Variants in JAM2 observed in about 807,000 individuals in gnomAD.
The protein encoded by JAM2 is junctional adhesion molecule B.
A neutral mutation model predicts 42.0 loss-of-function variants in JAM2; 17 were observed. The observed-to-expected ratio is 0.40, with a 90% CI of 0.28 to 0.61. The LOEUF is 0.61. JAM2 is among the 20% of genes least tolerant of loss of function. JAM2 has a pLI of 0.37. For missense variants in JAM2, 319 were observed against 358.3 expected, an observed-to-expected ratio of 0.89 and a Z score of 0.89; for synonymous variants, 118 against 128.6, an observed-to-expected ratio of 0.92 and a Z score of 0.56.
At chr21:25,698,916 T>A in intron 5 of JAM2, 37 bp downstream of exon 5, 2 of 1,540,332 alleles carry the variant, frequency 1.3e-6, no homozygotes, top group Non-Finnish European at 1.8e-6. Flanking sequence ...ATAACTGTCT[T>A]GCATTTGGAT....
chr21:25,651,974 T>C (rs944916326), intron 1 of JAM2, among the ~76,000 whole-genome samples: 4 of 152,248 alleles, frequency 2.6e-5, no homozygotes, highest in African/African-American at 9.6e-5. Context: ...GGAACAGACT[T>C]CTCTTACTAT....
At chr21:25,679,450 C>T (rs1386919986) in intron 1 of JAM2, among the ~76,000 whole-genome samples, 2 of 152,136 alleles carry the variant, frequency 1.3e-5, no homozygotes, top group Non-Finnish European at 2.9e-5. Flanking sequence ...TTCTTTACAC[C>T]CATCTCTCAG....
At chr21:25,689,462 C>T (rs2033828568) in intron 2 of JAM2, among the ~76,000 whole-genome samples, 1 of 152,216 alleles carries the variant, frequency 6.6e-6, no homozygotes, top group African/African-American at 2.4e-5. Context: ...TTAGTTGCCT[C>T]TTCTACCAGA....
In JAM2 at chr21:25,693,919, T is replaced by C. The variant is rs779677016; in HGVS notation, c.394+11T>C. On this transcript the variant is annotated intron_variant, in intron 4 of 9. Transcript: ENST00000480456. ...CTCTGGAAGTATTAGGTGATGTGCATGTATGTGTGTGACTACGTCTCCCAC... is the reference window on the plus strand; with the variant it reads ...CTCTGGAAGTATTAGGTGATGTGCACGTATGTGTGTGACTACGTCTCCCAC... The C allele has an allele frequency of 1.2e-6, 2 of 1,612,778 alleles. No homozygotes were observed. The highest frequency in any genetic ancestry group is 1.7e-5 in the Admixed American group (1 of 59,940).
At chr21:25,712,199 A>C (rs754878185) in intron 8 of JAM2, 141 bp from the exon 9 acceptor site, 10 of 683,416 alleles carry the variant, frequency 1.5e-5, no homozygotes, top group Middle Eastern at 2.8e-4. Flanking sequence ...TTCAGTAAGA[A>C]TTGTCTTTTT....
Position 25,689,879 on chromosome 21 carries a change from C to T in JAM2, c.147C>T (p.Ala49=), listed in dbSNP as rs1224424310. The stretch of plus-strand genomic sequence containing the variant: ...TGTTGTTCCTAGAGGCTATTTTAGC[C>T]TGCAAAACCCCAAAGAAGACTGTTT... The part of the protein sequence containing the change: ...TAVEYQEAIL[A]CKTPKKTVSS... The change falls in exon 3 of 10, where the codon GCC becomes GCT. Residue 49 remains alanine (A), a synonymous_variant. Coordinates refer to ENST00000480456, the MANE Select transcript of JAM2 (RefSeq NM_021219.4). 3.1e-6 allele frequency: 5 copies of T among 1,611,962 alleles called. No individual in the cohort carries two copies. Among genetic ancestry groups the T allele is most frequent in the Non-Finnish European group, 4.2e-6 (5 of 1,178,298 alleles).
At chr21:25,702,329 T>C (rs909058220) in intron 6 of JAM2, 60 bp downstream of exon 6, 9 of 1,045,784 alleles carry the variant, frequency 8.6e-6, no homozygotes, top group Non-Finnish European at 1.2e-5. Context: ...AGTACAGCAG[T>C]TGGGGGTACA....
intron 1 of JAM2, among the ~76,000 whole-genome samples, chr21:25,649,113 C>T (rs1050715128): frequency 6.6e-5 from 10 of 152,164 alleles, no homozygotes; most frequent in African/African-American, 2.4e-4. Context: ...CCTAAAAGCA[C>T]ATAAGTTCCT....
chr21:25,655,350 A>ATTTTTTTTTTTTTTTTTTTTT (rs751257378), intron 1 of JAM2, among the ~76,000 whole-genome samples: 2 of 100,238 alleles, frequency 2.0e-5, no homozygotes, highest in African/African-American at 7.7e-5. Context: ...CTGAAATTCT[A>ATTTTTTTTTTTTTTTTTTTTT]TTTTTTTTTT....
intron 1 of JAM2, among the ~76,000 whole-genome samples, chr21:25,668,101 G>A (rs2033267742): frequency 6.6e-6 from 1 of 152,154 alleles, no homozygotes; most frequent in African/African-American, 2.4e-5. Context: ...CCAGAGTCTG[G>A]CCTGATTGAG....
At chr21:25,708,202 T>C (rs2034310371) in intron 7 of JAM2, among the ~76,000 whole-genome samples, 1 of 152,150 alleles carries the variant, frequency 6.6e-6, no homozygotes, top group Non-Finnish European at 1.5e-5. Context: ...GTGTTCCTAA[T>C]AATACCTACA....
Position 25,717,452 on chromosome 21 carries a change from G to A in JAM2, c.*2780G>A, listed in dbSNP as rs1291560565. On this transcript the variant is annotated 3_prime_UTR_variant, in exon 10 of 10. Transcript: ENST00000480456. ...ACTAGATTTAATTTATTTTTAGTTGGAGGTTTGACCTAAGTCTGGACCAAT... is the reference window on the plus strand; with the variant it reads ...ACTAGATTTAATTTATTTTTAGTTGAAGGTTTGACCTAAGTCTGGACCAAT... 1 of 444,714 alleles carries A rather than the reference G, an allele frequency of 2.2e-6. No homozygotes were observed. Among genetic ancestry groups the A allele is most frequent in the East Asian group, 3.7e-5 (1 of 27,098 alleles). The allele number at this position is 444,714 out of a possible 1,614,324, so 27.5% of individuals were successfully genotyped here. A position where few individuals can be genotyped will look rare whatever the true frequency, so the allele number is the denominator to read the frequency against.
intron 8 of JAM2, among the ~76,000 whole-genome samples, chr21:25,710,699 C>T (rs570396115): frequency 1.7e-4 from 26 of 152,106 alleles, no homozygotes; most frequent in Non-Finnish European, 3.8e-4. Flanking sequence ...AGGAGATGAG[C>T]GTACAAAAGT....
intron 1 of JAM2, among the ~76,000 whole-genome samples, chr21:25,665,072 G>A (rs1479331320): frequency 6.6e-6 from 1 of 152,172 alleles, no homozygotes; most frequent in Non-Finnish European, 1.5e-5. Context: ...TGTTGCCTAG[G>A]GCTTTAACAG....
At position 25,639,814 on chromosome 21, in the gene JAM2, C is replaced by T. The variant is rs1239676073; in HGVS notation, c.-8C>T. 1 of 1,577,988 alleles carries T rather than the reference C, an allele frequency of 6.3e-7. No individual in the cohort carries two copies. The highest frequency in any genetic ancestry group is 8.6e-7 in the Non-Finnish European group (1 of 1,165,154). On this transcript the variant is annotated 5_prime_UTR_variant, in exon 1 of 10. Coordinates refer to ENST00000480456, the MANE Select transcript of JAM2 (RefSeq NM_021219.4). ...CTCCTCAGAGCAGCCGGCTGCCGCC[C>T]CGGGAAGATGGCGAGGAGGAGCCGC...
intron 1 of JAM2, among the ~76,000 whole-genome samples, chr21:25,654,474 C>A (rs1031060315): frequency 8.6e-5 from 13 of 151,782 alleles, no homozygotes; most frequent in Non-Finnish European, 1.3e-4. Context: ...ATGGTGAAAC[C>A]CCCTCTCTAC....
At chr21:25,711,663 G>GT (rs1315398982) in intron 8 of JAM2, 1 of 271,304 alleles carries the variant, frequency 3.7e-6, no homozygotes, top group Non-Finnish European at 7.3e-6. Flanking sequence ...TAGCTGGAAA[G>GT]TGTTGCTACT....
In JAM2 at chr21:25,698,862, A is replaced by T. The variant is rs1227574301; in HGVS notation, c.580A>T (p.Thr194Ser). The change falls in exon 5 of 10, where the codon ACA becomes TCA. Residue 194 changes from threonine to serine, a missense_variant. Transcript: ENST00000480456. ...QSTNSSYTMN[T>S]KTGTLQFNTV... is the part of the protein sequence containing the mutation. ...CACCAACAGCTCATACACAATGAAT[A>T]CAAAAACTGGAACTCTGGTAAGGTC... 2 of 1,614,122 alleles carry T rather than the reference A, an allele frequency of 1.2e-6. No homozygotes were observed. The highest frequency in any genetic ancestry group is 1.7e-6 in the Non-Finnish European group (2 of 1,179,978).
chr21:25,694,043 A>C (rs2033942889), intron 4 of JAM2, 135 bp downstream of exon 4: 3 of 786,156 alleles, frequency 3.8e-6, no homozygotes, highest in Middle Eastern at 3.0e-4. Flanking sequence ...CAGAGACCAT[A>C]AGCATCACCT....
Sources: gnomAD v4.1 joint callset for allele counts (sites outside exome capture counted in the v4.1 genomes callset) on GRCh38, gnomAD v4.1.1 for gene constraint, MANE v1.5 for transcripts, NCBI Gene and HGNC (gene_info 2026-07-23, HGNC 2026-07-21) for gene names.